SFMBT1: variants seen among roughly 807,000 people sequenced by gnomAD.
SFMBT1 encodes the protein Scm like with four mbt domains 1.
SFMBT1 carries 32 observed loss-of-function variants against 108.7 expected under a neutral mutation model. That is an observed-to-expected ratio of 0.29 (90% CI 0.22 to 0.40). The LOEUF (loss-of-function observed/expected upper bound fraction) is 0.40. SFMBT1 is among the 10% of genes least tolerant of loss of function. The pLI is 1.00. For synonymous variants in SFMBT1, 348 were observed against 369.5 expected (o/e 0.94, Z 0.67); for missense variants, 816 against 1,059.6 (o/e 0.77, Z 3.19).
Position 52,920,615 on chromosome 3 carries a change from C to A in SFMBT1, c.1294G>T (p.Val432Leu). 3 of 1,614,000 alleles carry A rather than the reference C, an allele frequency of 1.9e-6. No individual in the cohort carries two copies. In the East Asian group the frequency reaches 6.7e-5, roughly 36 times the overall value. ...KKPIPECIVSVESMDIFPLGW... is the reference protein window; with the variant it reads ...KKPIPECIVSLESMDIFPLGW... The stretch of plus-strand genomic sequence containing the variant: ...AAAGGAAATATATCCATGGATTCCA[C>A]ACTCACAATACATTCAGGTATAGGC... Residue 432 changes from valine (V) to leucine (L), a missense_variant, in exon 12 of 21, where the codon GTG becomes TTG. This residue lies in a region of SFMBT1 where 495 missense variants were observed against 607.4 expected (regional missense o/e 0.81). Transcript: ENST00000394752.
chr3:52,932,410 C>T, intron 5 of SFMBT1, 102 bp from the exon 6 acceptor site: 1 of 1,236,608 alleles, frequency 8.1e-7, no homozygotes, highest in Non-Finnish European at 1.1e-6. Flanking sequence ...GTATTTTTTA[C>T]CCATTCAAAA....
intron 1 of SFMBT1, among the ~76,000 whole-genome samples, chr3:53,029,171 CAA>C (rs60211879): frequency 8.1e-5 from 4 of 49,088 alleles, no homozygotes; most frequent in Admixed American, 2.1e-4. Flanking sequence ...GACTCCGTCT[CAA>C]AAAAAAAAAA....
chr3:52,962,942 T>G (rs937827227), intron 2 of SFMBT1, among the ~76,000 whole-genome samples: 1 of 151,772 alleles, frequency 6.6e-6, no homozygotes, highest in East Asian at 1.9e-4. Context: ...GCTATATATA[T>G]GGAAAAAGAG....
intron 1 of SFMBT1, among the ~76,000 whole-genome samples, chr3:52,978,562 C>A (rs1704600012): frequency 6.6e-6 from 1 of 152,090 alleles, no homozygotes; most frequent in African/African-American, 2.4e-5. Flanking sequence ...TCTGGCAGTT[C>A]CTCAGTGTTA....
At position 52,934,770 on chromosome 3, in the gene SFMBT1, C is replaced by A. The variant is rs554938977; in HGVS notation, c.453+43G>T. ...CCGATTTTAAGATTCTTTGAAAGAT[C>A]AGATGGGTTTTCCATGCTGATGTGG... On this transcript the variant is annotated intron_variant, in intron 5 of 20. Coordinates refer to ENST00000394752, the MANE Select transcript of SFMBT1 (RefSeq NM_016329.4). The A allele has an allele frequency of 1.0e-5, 15 of 1,499,374 alleles. No homozygotes were observed. In the East Asian group the frequency reaches 2.7e-4, roughly 27 times the overall value. 92.9% of individuals were successfully genotyped at this position (1,499,374 alleles called of 1,614,324 possible). A position where few individuals can be genotyped will look rare whatever the true frequency, so the allele number is the denominator to read the frequency against.
At chr3:52,917,178 GTTTT>G (rs1702382445) in intron 13 of SFMBT1, among the ~76,000 whole-genome samples, 1 of 152,096 alleles carries the variant, frequency 6.6e-6, no homozygotes, top group Non-Finnish European at 1.5e-5. Flanking sequence ...TCTGTTGTTA[GTTTT>G]ATTACCCACA....
chr3:53,044,183 T>C (rs1231776715), intron 1 of SFMBT1, among the ~76,000 whole-genome samples: 2 of 152,236 alleles, frequency 1.3e-5, no homozygotes, highest in African/African-American at 4.8e-5. Context: ...CAAATGAATT[T>C]TAATAAAGAC....
intron 5 of SFMBT1, among the ~76,000 whole-genome samples, chr3:52,932,997 C>G (rs1434763544): frequency 1.3e-5 from 2 of 152,056 alleles, no homozygotes; most frequent in Admixed American, 1.3e-4. Flanking sequence ...AAGTCAAAGT[C>G]AAAGTCACCT....
intron 4 of SFMBT1, among the ~76,000 whole-genome samples, chr3:52,942,787 T>C (rs970958529): frequency 6.6e-6 from 1 of 152,268 alleles, no homozygotes; most frequent in African/African-American, 2.4e-5. Flanking sequence ...AGTGGTGCCA[T>C]TACAGGCATG....
chr3:52,933,618 T>C (rs1190868072), intron 5 of SFMBT1, among the ~76,000 whole-genome samples: 1 of 152,206 alleles, frequency 6.6e-6, no homozygotes, highest in Non-Finnish European at 1.5e-5. Context: ...AATTCATCCA[T>C]TCATTAAAAT....
chr3:52,928,912 C>G (rs1575380490), intron 8 of SFMBT1, among the ~76,000 whole-genome samples: 1 of 151,290 alleles, frequency 6.6e-6, no homozygotes, highest in South Asian at 2.1e-4. Flanking sequence ...CATATATTGC[C>G]CAGGCTTGTC....
intron 2 of SFMBT1, among the ~76,000 whole-genome samples, 186 bp from the exon 3 acceptor site, chr3:52,954,597 T>C (rs1017124911): frequency 6.6e-6 from 1 of 152,242 alleles, no homozygotes; most frequent in Non-Finnish European, 1.5e-5. Flanking sequence ...CTTAGTGCAC[T>C]GATTGTCAAC....
intron 1 of SFMBT1, among the ~76,000 whole-genome samples, chr3:52,972,893 G>C (rs893725433): frequency 1.3e-5 from 2 of 151,488 alleles, no homozygotes; most frequent in East Asian, 3.9e-4. Flanking sequence ...GTGTGGTCGC[G>C]GGCACCTGTA....
chr3:52,950,601 A>G (rs1168687483), intron 3 of SFMBT1, among the ~76,000 whole-genome samples: 2 of 151,930 alleles, frequency 1.3e-5, no homozygotes, highest in Non-Finnish European at 2.9e-5. Flanking sequence ...CAGCCTCCCA[A>G]GCAGCTGGAA....
intron 3 of SFMBT1, among the ~76,000 whole-genome samples, chr3:52,951,779 G>A (rs1189319443): frequency 6.6e-6 from 1 of 152,142 alleles, no homozygotes; most frequent in Admixed American, 6.5e-5. Context: ...TCTGCCCTGG[G>A]CGGGCCAGGT....
chr3:52,928,069 A>G, intron 9 of SFMBT1, 122 bp downstream of exon 9: 4 of 1,291,270 alleles, frequency 3.1e-6, no homozygotes, highest in Middle Eastern at 2.1e-4. Flanking sequence ...TCAGACCCCA[A>G]AAACGTTAGG....
rs144582018 is a variant in SFMBT1 at position 53,003,438 on chromosome 3, C to T, written c.-130-34180G>A. 1.1e-4 allele frequency among the ~76,000 whole-genome samples: 17 copies of T among 149,998 alleles called. 1 individual carries two copies. Among genetic ancestry groups the T allele is most frequent in the East Asian group, 3.9e-4 (2 of 5,128 alleles). On this transcript the variant is annotated intron_variant, in intron 1 of 20. Coordinates refer to ENST00000394752, the MANE Select transcript of SFMBT1 (RefSeq NM_016329.4). ...TGCTATAAAACAGTGCAATGAGGGA[C>T]GCAAAATTGTGAACGTGCATGAGAG...
chr3:53,029,414 C>A (rs1699607497), intron 1 of SFMBT1, among the ~76,000 whole-genome samples: 1 of 152,096 alleles, frequency 6.6e-6, no homozygotes, highest in Non-Finnish European at 1.5e-5. Flanking sequence ...TAAGATTCAA[C>A]TACAGAATGC....
At chr3:53,045,764 C>T (rs1021531867) in intron 1 of SFMBT1, 52 bp downstream of exon 1, 3 of 150,310 alleles carry the variant, frequency 2.0e-5, no homozygotes, top group Admixed American at 6.6e-5. Context: ...GCCGCCGCCG[C>T]CCCTCCAGGC....
Sources: allele counts gnomAD v4.1 joint callset (sites outside exome capture counted in the v4.1 genomes callset), GRCh38; gene constraint gnomAD v4.1.1; regional missense constraint gnomAD v4.1.1; transcripts MANE v1.5; gene names NCBI Gene and HGNC (gene_info 2026-07-23, HGNC 2026-07-21).